Variants in MAGI2 observed in about 807,000 individuals in gnomAD.
MAGI2 encodes membrane associated guanylate kinase, WW and PDZ domain containing 2.
A neutral mutation model predicts 133.3 loss-of-function variants in MAGI2; 35 were observed. The ratio of observed to expected loss-of-function variants is 0.26; its 90% confidence interval spans 0.20 to 0.35. The LOEUF (loss-of-function observed/expected upper bound fraction) is 0.35. Among genes scored for constraint, MAGI2 ranks in the 10% least tolerant of loss-of-function variants. MAGI2 has a pLI of 1.00. For missense variants in MAGI2, 1,636 were observed against 1,863.4 expected (o/e 0.88, Z 2.25); for synonymous variants, 729 against 710.6 (o/e 1.03, Z -0.41).
intron 1 of MAGI2, among the ~76,000 whole-genome samples, chr7:79,352,380 C>CA (rs1841750712): frequency 6.6e-6 from 1 of 152,256 alleles, no homozygotes; most frequent in South Asian, 2.1e-4. Flanking sequence ...TGGTAGAGTC[C>CA]AAAAAGACAG....
At chr7:78,469,373 G>A (rs572741664) in intron 6 of MAGI2, among the ~76,000 whole-genome samples, 1 of 152,264 alleles carries the variant, frequency 6.6e-6, no homozygotes, top group Non-Finnish European at 1.5e-5. Context: ...TCTCAAAGAT[G>A]AGACAAGGTC....
At chr7:78,645,168 A>T (rs981595477) in intron 2 of MAGI2, among the ~76,000 whole-genome samples, 2 of 151,674 alleles carry the variant, frequency 1.3e-5, no homozygotes, top group East Asian at 3.9e-4. Flanking sequence ...TTAGTTAAAA[A>T]CTATCACTTA....
intron 1 of MAGI2, among the ~76,000 whole-genome samples, chr7:79,206,042 C>G (rs766638820): frequency 1.3e-5 from 2 of 150,876 alleles, no homozygotes; most frequent in Non-Finnish European, 3.0e-5. Flanking sequence ...AAAATGGAAA[C>G]ACAACATACC....
At chr7:79,362,130 T>C (rs1408192588) in intron 1 of MAGI2, among the ~76,000 whole-genome samples, 1 of 151,680 alleles carries the variant, frequency 6.6e-6, no homozygotes, top group African/African-American at 2.4e-5. Context: ...ACACATAGCT[T>C]TTTTTTAAAA....
chr7:79,253,344 T>C (rs1050486498), intron 1 of MAGI2, among the ~76,000 whole-genome samples: 18 of 152,134 alleles, frequency 1.2e-4, no homozygotes, highest in African/African-American at 4.3e-4. Context: ...CATTTACTGT[T>C]AAAATCTGAC....
intron 2 of MAGI2, among the ~76,000 whole-genome samples, chr7:78,836,625 C>A (rs184355133): frequency 1.3e-5 from 2 of 152,150 alleles, no homozygotes; most frequent in Admixed American, 6.5e-5. Context: ...GGAGAAATCA[C>A]CATTTGTTTT....
chr7:79,370,160 C>T (rs1842963970), intron 1 of MAGI2, among the ~76,000 whole-genome samples: 1 of 151,912 alleles, frequency 6.6e-6, no homozygotes, highest in African/African-American at 2.4e-5. Context: ...ATTTATTTTG[C>T]TAAAAATCCC....
rs575699307 is a variant in MAGI2, at chr7:78,859,250, A to G, written c.418+147840T>C. Among the ~76,000 whole-genome samples, 147 of 152,238 alleles carry G rather than the reference A, an allele frequency of 9.7e-4. 1 individual carries two copies. Among genetic ancestry groups the G allele is most frequent in the African/African-American group, 3.5e-3 (147 of 41,548 alleles). Reference sequence around the variant, plus strand: ...TTTAGCCCATTTACATTTAAGGTTAATATTGTTATGTGTGAATTTGATCCT... The same window carrying G: ...TTTAGCCCATTTACATTTAAGGTTAGTATTGTTATGTGTGAATTTGATCCT... On this transcript the variant is annotated intron_variant, in intron 2 of 21. Coordinates refer to ENST00000354212, the MANE Select transcript of MAGI2 (RefSeq NM_012301.4).
intron 6 of MAGI2, among the ~76,000 whole-genome samples, chr7:78,404,855 AAGAAACTACCATCAG>A (rs1252392708): frequency 8.5e-5 from 13 of 152,208 alleles, no homozygotes; most frequent in Non-Finnish European, 1.9e-4. Flanking sequence ...TGCACAGCAA[AAGAAACTACCATCAG>A]AGTGAACAGG....
At chr7:78,832,025 G>A (rs1791209091) in intron 2 of MAGI2, among the ~76,000 whole-genome samples, 1 of 152,108 alleles carries the variant, frequency 6.6e-6, no homozygotes, top group Admixed American at 6.5e-5. Flanking sequence ...CAATATGAAT[G>A]AGTGGTAAGT....
At chr7:79,064,989 T>C (rs1399210241) in intron 1 of MAGI2, among the ~76,000 whole-genome samples, 1 of 152,120 alleles carries the variant, frequency 6.6e-6, no homozygotes, top group Non-Finnish European at 1.5e-5. Flanking sequence ...AGATGAAACC[T>C]GGTCTCCAAA....
intron 1 of MAGI2, among the ~76,000 whole-genome samples, chr7:79,315,295 A>T: frequency 6.8e-6 from 1 of 147,740 alleles, no homozygotes. Flanking sequence ...AGTAGCTGGG[A>T]TTACAGGCAT....
At chr7:78,438,301 G>C (rs189706620) in intron 6 of MAGI2, among the ~76,000 whole-genome samples, 1 of 152,048 alleles carries the variant, frequency 6.6e-6, no homozygotes, top group East Asian at 1.9e-4. Context: ...AGCCCATTAG[G>C]TTCCTTGAGA....
intron 2 of MAGI2, among the ~76,000 whole-genome samples, chr7:78,686,365 C>T (rs1404998307): frequency 6.6e-6 from 1 of 152,078 alleles, no homozygotes; most frequent in Non-Finnish European, 1.5e-5. Flanking sequence ...TGGACCTCTC[C>T]CCTCCTTACA....
intron 10 of MAGI2, among the ~76,000 whole-genome samples, chr7:78,206,353 G>A (rs368008528): frequency 1.6e-4 from 24 of 147,932 alleles, no homozygotes; most frequent in Non-Finnish European, 3.0e-4. Flanking sequence ...GTGCAGTGGC[G>A]TGATCTTGGC....
chr7:78,845,699 T>C (rs973461731), intron 2 of MAGI2, among the ~76,000 whole-genome samples: 2 of 151,976 alleles, frequency 1.3e-5, no homozygotes, highest in Non-Finnish European at 2.9e-5. Context: ...TAGAAAAATC[T>C]TTGATCAACC....
At chr7:78,466,219 A>G (rs969652262) in intron 6 of MAGI2, among the ~76,000 whole-genome samples, 1 of 152,168 alleles carries the variant, frequency 6.6e-6, no homozygotes, top group South Asian at 2.1e-4. Flanking sequence ...CCGATCTGCT[A>G]TTTGCTCAGC....
chr7:78,040,697 A>G (rs1304318255), intron 21 of MAGI2, among the ~76,000 whole-genome samples: 1 of 152,146 alleles, frequency 6.6e-6, no homozygotes, highest in East Asian at 1.9e-4. Flanking sequence ...TCAGGTGGCA[A>G]TCGGGATGAC....
At chr7:79,063,558 C>G (rs1402666906) in intron 1 of MAGI2, among the ~76,000 whole-genome samples, 1 of 151,868 alleles carries the variant, frequency 6.6e-6, no homozygotes, top group Non-Finnish European at 1.5e-5. Flanking sequence ...CTTGGAGAGG[C>G]AACTAGGAAG....
Sources: gnomAD v4.1 joint callset for allele counts (sites outside exome capture counted in the v4.1 genomes callset) on GRCh38, gnomAD v4.1.1 for gene constraint, MANE v1.5 for transcripts, NCBI Gene and HGNC (gene_info 2026-07-23, HGNC 2026-07-21) for gene names.